TMEM117: variants seen among roughly 807,000 people sequenced by gnomAD.
TMEM117 encodes transmembrane protein 117.
A neutral mutation model predicts 52.4 loss-of-function variants in TMEM117; 27 were observed. That is an observed-to-expected ratio of 0.51 (90% CI 0.38 to 0.71). The LOEUF (loss-of-function observed/expected upper bound fraction) is 0.71, where lower values mean the gene tolerates loss of function less well. Among genes scored for constraint, TMEM117 ranks in the 30% least tolerant of loss-of-function variants. The probability of loss-of-function intolerance (pLI) is 0.00; values close to 1 mark genes in which losing one functional copy is unlikely to be tolerated. For synonymous variants in TMEM117, 215 were observed against 206.3 expected (o/e 1.04, Z -0.36); for missense variants, 556 against 630.5 (o/e 0.88, Z 1.26).
chr12:44,131,038 CTT>C lies in TMEM117; in HGVS notation c.411-12486_411-12485del, dbSNP rs1371963470. Among the ~76,000 whole-genome samples, 12 of 152,096 alleles carry C rather than the reference CTT, an allele frequency of 7.9e-5. No individual in the cohort carries two copies. In the East Asian group the frequency reaches 2.1e-3, roughly 27 times the overall value. On this transcript the variant is annotated intron_variant, in intron 3 of 7. Coordinates refer to ENST00000266534, the MANE Select transcript of TMEM117 (RefSeq NM_032256.3). ...TTATTTAATTGAAGTCTTTGAAAAACTTATATATTTCTCTCTTTGTGGTTAAT... is the reference window on the plus strand; with the variant it reads ...TTATTTAATTGAAGTCTTTGAAAAACATATATTTCTCTCTTTGTGGTTAAT...
At chr12:43,836,806 C>T (rs927366654) in intron 1 of TMEM117, among the ~76,000 whole-genome samples, 2 of 151,204 alleles carry the variant, frequency 1.3e-5, no homozygotes, top group African/African-American at 4.9e-5. Context: ...TGTGGGTGTG[C>T]GTGTGTGAGA....
chr12:44,133,538 G>T (rs1948446263), intron 3 of TMEM117, among the ~76,000 whole-genome samples: 1 of 151,662 alleles, frequency 6.6e-6, no homozygotes, highest in Admixed American at 6.6e-5. Context: ...TCTGATAGCT[G>T]GTGTGGTGCA....
At chr12:43,865,897 GATA>G (rs1016715310) in intron 2 of TMEM117, among the ~76,000 whole-genome samples, 2 of 151,676 alleles carry the variant, frequency 1.3e-5, no homozygotes, top group African/African-American at 4.9e-5. Context: ...CTTAGAGGAA[GATA>G]ATAAAACAAT....
At chr12:44,371,313 A>G (rs1951861218) in intron 6 of TMEM117, among the ~76,000 whole-genome samples, 1 of 152,216 alleles carries the variant, frequency 6.6e-6, no homozygotes, top group Non-Finnish European at 1.5e-5. Flanking sequence ...AGAAATAAAT[A>G]TATCTGTAAA....
At chr12:44,236,054 G>C (rs1235326500) in intron 5 of TMEM117, among the ~76,000 whole-genome samples, 3 of 151,438 alleles carry the variant, frequency 2.0e-5, no homozygotes, top group Non-Finnish European at 2.9e-5. Context: ...TTTTATAATG[G>C]CATGCCTAGA....
intron 5 of TMEM117, among the ~76,000 whole-genome samples, chr12:44,258,356 C>A (rs989994267): frequency 6.6e-6 from 1 of 152,072 alleles, no homozygotes; most frequent in Admixed American, 6.6e-5. Context: ...AATGGCTGTT[C>A]TATTTCTTTC....
chr12:43,805,742 C>G, the TMEM117 span: 4 of 1,280,776 alleles, frequency 3.1e-6, no homozygotes, highest in East Asian at 1.8e-4. Flanking sequence ...GGAAGCACCC[C>G]TACTGATGTG....
At chr12:43,981,199 G>T (rs1421772251) in intron 3 of TMEM117, among the ~76,000 whole-genome samples, 1 of 152,100 alleles carries the variant, frequency 6.6e-6, no homozygotes, top group African/African-American at 2.4e-5. Flanking sequence ...CACATCTCAA[G>T]TCTATATTCT....
At chr12:44,297,780 A>G (rs535295007) in intron 5 of TMEM117, among the ~76,000 whole-genome samples, 54 of 152,362 alleles carry the variant, frequency 3.5e-4, no homozygotes, top group African/African-American at 1.1e-3. Context: ...AACAAAATCA[A>G]AAACACATAG....
intron 2 of TMEM117, among the ~76,000 whole-genome samples, chr12:43,898,994 G>A (rs181916631): frequency 5.3e-5 from 8 of 152,266 alleles, no homozygotes; most frequent in African/African-American, 9.6e-5. Flanking sequence ...GATTTCTGTC[G>A]AATATATGTT....
intron 3 of TMEM117, among the ~76,000 whole-genome samples, chr12:43,987,275 T>C (rs913391750): frequency 1.3e-5 from 2 of 152,202 alleles, no homozygotes; most frequent in Non-Finnish European, 2.9e-5. Flanking sequence ...GATCTCAGAC[T>C]TCTAGTCTCC....
chr12:44,158,474 G>A (rs1410234605), intron 4 of TMEM117, among the ~76,000 whole-genome samples: 3 of 152,004 alleles, frequency 2.0e-5, no homozygotes, highest in Non-Finnish European at 4.4e-5. Context: ...GTGTCTTATG[G>A]GATTAAGCAA....
chr12:44,153,151 C>T (rs1592563401), intron 4 of TMEM117, among the ~76,000 whole-genome samples: 1 of 151,710 alleles, frequency 6.6e-6, no homozygotes, highest in South Asian at 2.1e-4. Context: ...ATATCAGATA[C>T]ATACTGATTT....
intron 4 of TMEM117, among the ~76,000 whole-genome samples, chr12:44,173,685 TC>T (rs1298497819): frequency 1.3e-5 from 2 of 151,976 alleles, no homozygotes; most frequent in Non-Finnish European, 2.9e-5. Context: ...GCATAAAACA[TC>T]CCAGGTTGTT....
At chr12:44,010,374 A>C (rs1342580778) in intron 3 of TMEM117, 1 of 370,176 alleles carries the variant, frequency 2.7e-6, no homozygotes, top group Non-Finnish European at 5.5e-6. Context: ...TTCCTGCGCC[A>C]CATGGGGAAG....
At chr12:44,293,126 A>G (rs746354195) in intron 5 of TMEM117, among the ~76,000 whole-genome samples, 2 of 151,828 alleles carry the variant, frequency 1.3e-5, no homozygotes, top group Non-Finnish European at 2.9e-5. Flanking sequence ...TATATATACA[A>G]AATTGTTACA....
chr12:43,805,479 G>A, the TMEM117 span: 1 of 451,820 alleles, frequency 2.2e-6, no homozygotes, highest in Non-Finnish European at 4.5e-6. Context: ...AAGTGATCGC[G>A]AGTAACCCGG....
intron 3 of TMEM117, among the ~76,000 whole-genome samples, chr12:44,135,661 A>G (rs1948479829): frequency 1.3e-5 from 2 of 152,098 alleles, no homozygotes; most frequent in South Asian, 4.1e-4. Context: ...AAGGAGGAGG[A>G]GAGAGAAGAG....
At chr12:43,967,531 C>T (rs566589467) in intron 3 of TMEM117, among the ~76,000 whole-genome samples, 7 of 152,236 alleles carry the variant, frequency 4.6e-5, no homozygotes, top group Middle Eastern at 3.4e-3. Context: ...GTCTGTATGT[C>T]GTCCTATGGA....
Sources: allele counts gnomAD v4.1 joint callset (sites outside exome capture counted in the v4.1 genomes callset), GRCh38; gene constraint gnomAD v4.1.1; transcripts MANE v1.5; gene names NCBI Gene and HGNC (gene_info 2026-07-23, HGNC 2026-07-21).